NPAS3: variants seen among roughly 807,000 people sequenced by gnomAD.
The protein encoded by NPAS3 is neuronal PAS domain protein 3.
A neutral mutation model predicts 73.1 loss-of-function variants in NPAS3; 14 were observed. The observed-to-expected ratio is 0.19, with a 90% CI of 0.13 to 0.30. The LOEUF is 0.30. Among genes scored for constraint, NPAS3 ranks in the 10% least tolerant of loss-of-function variants. NPAS3 has a pLI of 1.00. For missense variants in NPAS3, 1,096 were observed against 1,250.0 expected (o/e 0.88, Z 1.86); for synonymous variants, 620 against 541.5 (o/e 1.14, Z -2.01).
chr14:33,250,145 T>G (rs576212892), intron 3 of NPAS3, among the ~76,000 whole-genome samples: 1 of 152,136 alleles, frequency 6.6e-6, no homozygotes, highest in Non-Finnish European at 1.5e-5. Flanking sequence ...GAAATGTGCC[T>G]AAATAACATG....
rs374418254 is a variant in NPAS3 at position 32,947,677 on chromosome 14, A to G, written c.50+8311A>G. The stretch of plus-strand genomic sequence containing the variant: ...TGTATGTCTATCTAAAATGGAAAAA[A>G]GTTACAAAGATATCTTGAACATTAT... On this transcript the variant is annotated intron_variant, in intron 1 of 11. Coordinates refer to ENST00000356141, the Ensembl canonical transcript of NPAS3. 1.3e-3 allele frequency among the ~76,000 whole-genome samples: 203 copies of G among 152,272 alleles called. 2 individuals carry two copies. The highest frequency in any genetic ancestry group is 4.5e-3 in the African/African-American group (186 of 41,568).
At chr14:33,729,002 T>C (rs975234304) in intron 6 of NPAS3, among the ~76,000 whole-genome samples, 7 of 152,154 alleles carry the variant, frequency 4.6e-5, no homozygotes, top group African/African-American at 1.7e-4. Context: ...TTTTGACACG[T>C]GTAACTGAAT....
chr14:33,031,122 A>G lies in NPAS3; in HGVS notation c.51-24783A>G, dbSNP rs542043164. 1.1e-4 allele frequency among the ~76,000 whole-genome samples: 16 copies of G among 152,314 alleles called. No individual in the cohort carries two copies. The South Asian group carries it at 3.3e-3, about 32-fold the overall frequency. On this transcript the variant is annotated intron_variant, in intron 1 of 11. Coordinates refer to ENST00000356141, the Ensembl canonical transcript of NPAS3. ...GGAGAGCCAAAATTGAGGAAAGCAC[A>G]ATCAGGACAATTACTGATAAAATTA... is the stretch of plus-strand genomic sequence containing the variant.
chr14:32,977,047 AAC>A (rs10628639), intron 1 of NPAS3, among the ~76,000 whole-genome samples: 9 of 149,390 alleles, frequency 6.0e-5, no homozygotes, highest in South Asian at 2.1e-4. Context: ...TGGTCAAGGT[AAC>A]ACACACACAC....
intron 3 of NPAS3, among the ~76,000 whole-genome samples, chr14:33,340,443 C>T (rs1226092834): frequency 6.6e-6 from 1 of 152,122 alleles, no homozygotes; most frequent in Non-Finnish European, 1.5e-5. Context: ...TGCAGTGAGC[C>T]GAGATCGTGC....
intron 2 of NPAS3, among the ~76,000 whole-genome samples, chr14:33,175,491 A>C (rs1433521004): frequency 6.6e-6 from 1 of 152,200 alleles, no homozygotes; most frequent in Non-Finnish European, 1.5e-5. Flanking sequence ...GCGGTGTTTA[A>C]ATGATTTTTA....
chr14:33,349,649 C>T (rs1338552978), intron 3 of NPAS3, among the ~76,000 whole-genome samples: 1 of 152,082 alleles, frequency 6.6e-6, no homozygotes, highest in African/African-American at 2.4e-5. Context: ...TACTTTGTTC[C>T]TTTTTTGTCA....
At chr14:33,286,254 A>G (rs2041868684) in intron 3 of NPAS3, among the ~76,000 whole-genome samples, 2 of 152,128 alleles carry the variant, frequency 1.3e-5, no homozygotes, top group African/African-American at 4.8e-5. Context: ...TTCCTACTGT[A>G]TTTCCTCAAT....
intron 1 of NPAS3, among the ~76,000 whole-genome samples, chr14:32,957,266 A>G (rs1434885011): frequency 6.6e-6 from 1 of 152,162 alleles, no homozygotes; most frequent in Non-Finnish European, 1.5e-5. Context: ...TTATATATTA[A>G]ACATAGTGAT....
chr14:33,009,669 T>C (rs567222013), intron 1 of NPAS3, among the ~76,000 whole-genome samples: 1 of 152,336 alleles, frequency 6.6e-6, no homozygotes, highest in East Asian at 1.9e-4. Context: ...TTCACACCCT[T>C]ATCTTTTCTG....
intron 2 of NPAS3, among the ~76,000 whole-genome samples, chr14:33,173,835 ATAAT>A (rs2045486252): frequency 6.6e-6 from 1 of 152,324 alleles, no homozygotes; most frequent in South Asian, 2.1e-4. Context: ...TATTAAGTCA[ATAAT>A]TAACAGGAAA....
At chr14:33,630,049 C>A (rs773057281) in intron 5 of NPAS3, among the ~76,000 whole-genome samples, 1 of 152,158 alleles carries the variant, frequency 6.6e-6, no homozygotes, top group East Asian at 1.9e-4. Context: ...TCAGCCATAA[C>A]CTTGAACTAT....
chr14:33,427,008 A>C lies in NPAS3; in HGVS notation c.468+59740A>C, dbSNP rs548095585. ...TTTACTGATGGATAACACTTTTTAC[A>C]GGCATGATTTTGTAGGCCGTGCACA... On this transcript the variant is annotated intron_variant, in intron 4 of 11. Coordinates refer to ENST00000356141, the Ensembl canonical transcript of NPAS3. Among the ~76,000 whole-genome samples, 15 of 152,172 alleles carry C rather than the reference A, an allele frequency of 9.9e-5. No homozygotes were observed. In the East Asian group the frequency reaches 2.9e-3, roughly 29 times the overall value.
At chr14:33,357,960 G>A (rs2045414526) in intron 3 of NPAS3, among the ~76,000 whole-genome samples, 1 of 152,128 alleles carries the variant, frequency 6.6e-6, no homozygotes, top group Non-Finnish European at 1.5e-5. Context: ...TTAAAACTTG[G>A]TCTGCATGAC....
intron 6 of NPAS3, among the ~76,000 whole-genome samples, chr14:33,721,665 C>G (rs1231424562): frequency 2.0e-5 from 3 of 152,090 alleles, no homozygotes; most frequent in Non-Finnish European, 2.9e-5. Context: ...AAATCATTGA[C>G]TATTTCAAGA....
chr14:33,300,365 A>G (rs1451551803), intron 3 of NPAS3, among the ~76,000 whole-genome samples: 1 of 152,232 alleles, frequency 6.6e-6, no homozygotes, highest in African/African-American at 2.4e-5. Context: ...CGACCAAATA[A>G]TATTGGCTTA....
At chr14:33,612,383 T>C (rs2057778680) in intron 5 of NPAS3, 1 of 455,768 alleles carries the variant, frequency 2.2e-6, no homozygotes, top group African/African-American at 2.0e-5. Context: ...CTGAAACCTG[T>C]TGTCTTTTCT....
At chr14:33,234,101 A>G (rs1343242565) in intron 3 of NPAS3, among the ~76,000 whole-genome samples, 1 of 152,140 alleles carries the variant, frequency 6.6e-6, no homozygotes, top group East Asian at 1.9e-4. Context: ...TGAAAGTTAT[A>G]AAAACCTATT....
At chr14:33,609,343 G>T (rs779734666) in intron 5 of NPAS3, among the ~76,000 whole-genome samples, 1 of 152,158 alleles carries the variant, frequency 6.6e-6, no homozygotes, top group Non-Finnish European at 1.5e-5. Flanking sequence ...TGAATTCATC[G>T]TATGAGAGAC....
Sources: allele counts gnomAD v4.1 joint callset (sites outside exome capture counted in the v4.1 genomes callset), GRCh38; gene constraint gnomAD v4.1.1; transcripts MANE v1.5; gene names NCBI Gene and HGNC (gene_info 2026-07-23, HGNC 2026-07-21).